DSG3: variants seen among roughly 807,000 people sequenced by gnomAD.
The protein encoded by DSG3 is desmoglein-3.
In DSG3, 63 loss-of-function variants were observed where a neutral mutation model predicts 85.9. The ratio of observed to expected loss-of-function variants is 0.73; its 90% CI spans 0.60 to 0.90. The LOEUF is 0.90. DSG3 is among the 40% of genes least tolerant of loss of function. The probability of loss-of-function intolerance (pLI) is 0.00; values close to 1 mark genes in which losing one functional copy is unlikely to be tolerated. For missense variants in DSG3, 1,220 were observed against 1,219.9 expected (o/e 1.00, Z 0.00); for synonymous variants, 447 against 441.9 (o/e 1.01, Z -0.14).
At chr18:31,452,833 T>C (rs2072719789) in intron 1 of DSG3, among the ~76,000 whole-genome samples, 1 of 152,174 alleles carries the variant, frequency 6.6e-6, no homozygotes, top group African/African-American at 2.4e-5. Flanking sequence ...TTTTATATTA[T>C]CATACTTGAC....
At chr18:31,455,541 T>A (rs1043012606) in intron 1 of DSG3, among the ~76,000 whole-genome samples, 3 of 152,336 alleles carry the variant, frequency 2.0e-5, no homozygotes, top group Non-Finnish European at 4.4e-5. Flanking sequence ...GTACAGAATA[T>A]GTGTTGTACA....
intron 1 of DSG3, 67 bp from the exon 2 acceptor site, chr18:31,456,373 A>T: frequency 1.0e-6 from 1 of 955,584 alleles, no homozygotes; most frequent in Middle Eastern, 2.4e-4. Context: ...AATCAGGATT[A>T]TTCATTGTAT....
chr18:31,476,168 T>G lies in DSG3; in HGVS notation c.2908T>G (p.Ser970Ala). The part of the protein sequence containing the change: ...IVTERVICPI[S>A]SVPGNLAGPT... ...GACAGAAAGGGTGATCTGTCCCATT[T>G]CCAGTGTTCCTGGCAACCTAGCTGG... Residue 970 changes from serine (S) to alanine (A), a missense_variant, in exon 16 of 16, where the codon TCC becomes GCC. By Grantham distance (99) the Ser-to-Ala change is moderately conservative. Transcript: ENST00000257189. The G allele has an allele frequency of 6.2e-7, 1 of 1,614,206 alleles. No individual in the cohort carries two copies. The highest frequency in any genetic ancestry group is 1.7e-5 in the Admixed American group (1 of 60,028).
At chr18:31,475,224 A>C (rs187904321) in intron 15 of DSG3, among the ~76,000 whole-genome samples, 73 of 152,302 alleles carry the variant, frequency 4.8e-4, no homozygotes, top group Admixed American at 4.8e-3. Context: ...AATGGATCTC[A>C]CATTGAGTTT....
intron 8 of DSG3, among the ~76,000 whole-genome samples, chr18:31,463,909 A>G (rs75303224): frequency 1.4e-3 from 206 of 152,286 alleles, no homozygotes; most frequent in East Asian, 7.5e-3. Context: ...AGGTACCCTT[A>G]TTAGTACCAA....
chr18:31,459,619 C>T (rs544563586), intron 5 of DSG3, among the ~76,000 whole-genome samples: 165 of 152,164 alleles, frequency 1.1e-3, no homozygotes, highest in African/African-American at 3.7e-3. Flanking sequence ...TCTCAGCAAA[C>T]GTAAGGCTTA....
At chr18:31,475,623 T>G (rs1427983624) in intron 15 of DSG3, 23 bp from the exon 16 acceptor site, 8 of 1,598,294 alleles carry the variant, frequency 5.0e-6, no homozygotes, top group Non-Finnish European at 6.8e-6. Context: ...AATTCATTTT[T>G]TCCCACTTTT....
Position 31,469,109 on chromosome 18 carries a change from G to A in DSG3, c.1657G>A (p.Ala553Thr). Residue 553 changes from alanine to threonine, a missense_variant, in exon 12 of 16, where the codon GCC (alanine) becomes ACC (threonine). By Grantham distance (58) the Ala-to-Thr change is moderately conservative (BLOSUM62 0). Transcript: ENST00000257189. ...TACAGCTACCTCGGCCCTCCTCAGA[G>A]CCCAGGAACAGATACCTCCTGGAGT... ...TLNATSALLRAQEQIPPGVYH... is the reference protein window; with the variant it reads ...TLNATSALLRTQEQIPPGVYH... The A allele has an allele frequency of 6.2e-7, 1 of 1,614,084 alleles. No homozygotes were observed. The highest frequency in any genetic ancestry group is 8.5e-7 in the Non-Finnish European group (1 of 1,179,936).
Position 31,476,105 on chromosome 18 carries a change from G to T in DSG3, c.2845G>T (p.Ala949Ser), listed in dbSNP as rs762513214. 2 of 1,614,144 alleles carry T rather than the reference G, an allele frequency of 1.2e-6. No individual in the cohort carries two copies. The highest frequency in any genetic ancestry group is 2.2e-5 in the South Asian group (2 of 91,084). ...ASGSLVQPST[A>S]GFDPLLTQNV... ...TGGTTCCCTCGTGCAACCTTCCACT[G>T]CAGGCTTTGATCCACTTCTCACACA... The change falls in exon 16 of 16, where the codon GCA becomes TCA. Residue 949 changes from alanine to serine, a missense_variant. Coordinates refer to ENST00000257189, the MANE Select transcript of DSG3 (RefSeq NM_001944.3).
rs1399348494 is a variant in DSG3, at chr18:31,465,360, T to A, written c.1314T>A (p.Asp438Glu). 6.5e-7 allele frequency: 1 copy of A among 1,542,054 alleles called. No homozygotes were observed. The highest frequency in any genetic ancestry group is 2.0e-5 in the Admixed American group (1 of 51,206). ...ACGATGGTGGATACCTAATGATTGATTCAAAAACTGCTGAAATCAAATTTG... is the reference window on the plus strand; with the variant it reads ...ACGATGGTGGATACCTAATGATTGAATCAAAAACTGCTGAAATCAAATTTG... ...GRNDGGYLMI[D>E]SKTAEIKFVK... The change falls in exon 10 of 16, where the codon GAT becomes GAA. Residue 438 changes from aspartate (D) to glutamate (E), a missense_variant. Physicochemically the swap from Asp to Glu is conservative, Grantham distance 45. Transcript: ENST00000257189.
intron 1 of DSG3, among the ~76,000 whole-genome samples, chr18:31,452,223 A>G (rs1458700940): frequency 2.0e-5 from 3 of 152,154 alleles, no homozygotes; most frequent in Non-Finnish European, 4.4e-5. Context: ...CACTTCACAT[A>G]AAAATGGCTC....
At position 31,475,742 on chromosome 18, in the gene DSG3, G is replaced by C; in HGVS notation, c.2482G>C (p.Val828Leu). 6.2e-7 allele frequency: 1 copy of C among 1,614,192 alleles called. No homozygotes were observed. The highest frequency in any genetic ancestry group is 8.5e-7 in the Non-Finnish European group (1 of 1,180,034). Residue 828 changes from valine (V) to leucine (L), a missense_variant, in exon 16 of 16, where the codon GTG becomes CTG. Coordinates refer to ENST00000257189, the MANE Select transcript of DSG3 (RefSeq NM_001944.3). ...AGGCGCAGATGCCACTGGTTCTCCT[G>C]TGGGCTCCGTGGGTTGTTGCAGTTT... is the stretch of plus-strand genomic sequence containing the variant. Reference protein sequence around the residue: ...NEGADATGSPVGSVGCCSFIA... With the variant: ...NEGADATGSPLGSVGCCSFIA...
rs2072823927 is a variant in DSG3, at chr18:31,466,829, T to C, written c.1636+75T>C. The C allele has an allele frequency of 4.5e-6, 6 of 1,336,770 alleles. No individual in the cohort carries two copies. In the Admixed American group the frequency reaches 7.2e-5, roughly 16 times the overall value. 82.8% of individuals were successfully genotyped at this position (1,336,770 alleles called of 1,614,324 possible). On this transcript the variant is annotated intron_variant, in intron 11 of 15. Coordinates refer to ENST00000257189, the MANE Select transcript of DSG3 (RefSeq NM_001944.3). ...TTCCAGAAGAATAAGGAAGATCATTTAAGAGCAGGTCCTTCCAAAAGTAAC... is the reference window on the plus strand; with the variant it reads ...TTCCAGAAGAATAAGGAAGATCATTCAAGAGCAGGTCCTTCCAAAAGTAAC...
chr18:31,456,869 A>G, intron 2 of DSG3, 124 bp from the exon 3 acceptor site: 1 of 887,676 alleles, frequency 1.1e-6, no homozygotes, highest in South Asian at 2.1e-5. Flanking sequence ...AGAGCTAATT[A>G]GATACCTAAC....
chr18:31,475,548 T>C, intron 15 of DSG3, 98 bp from the exon 16 acceptor site: 1 of 1,398,112 alleles, frequency 7.2e-7, no homozygotes, highest in Non-Finnish European at 9.6e-7. Context: ...TTACCTAGTT[T>C]GGGCATTCAT....
chr18:31,466,518 T>C lies in DSG3; in HGVS notation c.1412-12T>C, dbSNP rs140190657. The C allele has an allele frequency of 2.2e-4, 362 of 1,610,698 alleles. 1 individual carries two copies. The highest frequency in any genetic ancestry group is 1.7e-3 in the Middle Eastern group (10 of 6,056). On this transcript the variant is annotated splice_polypyrimidine_tract_variant and intron_variant, in intron 10 of 15. Transcript: ENST00000257189. ...TATACATTTCTTTAACTCTAAAACA[T>C]TGTTCTTACAGAATACACGGGTAAA...
chr18:31,451,105 C>T (rs1479364774), intron 1 of DSG3, among the ~76,000 whole-genome samples: 1 of 152,000 alleles, frequency 6.6e-6, no homozygotes, highest in Non-Finnish European at 1.5e-5. Flanking sequence ...GTTTCTTGTG[C>T]TTGTTTGATC....
At chr18:31,455,106 T>G (rs2144263750) in intron 1 of DSG3, among the ~76,000 whole-genome samples, 1 of 152,178 alleles carries the variant, frequency 6.6e-6, no homozygotes, top group Middle Eastern at 3.4e-3. Flanking sequence ...ATTATGGCCA[T>G]TAGCTAGGGC....
intron 5 of DSG3, among the ~76,000 whole-genome samples, chr18:31,459,568 A>G (rs2072770437): frequency 6.6e-6 from 1 of 152,216 alleles, no homozygotes; most frequent in African/African-American, 2.4e-5. Flanking sequence ...GAATTATGAC[A>G]ATCTATCAAG....
Sources: gnomAD v4.1 joint callset for allele counts (sites outside exome capture counted in the v4.1 genomes callset) on GRCh38, gnomAD v4.1.1 for gene constraint, MANE v1.5 for transcripts, NCBI Gene and HGNC (gene_info 2026-07-23, HGNC 2026-07-21) for gene names.